OTUD7A: variants seen among roughly 807,000 people sequenced by gnomAD.
OTUD7A encodes OTU domain-containing protein 7A.
A neutral mutation model predicts 65.7 loss-of-function variants in OTUD7A; 12 were observed. That is an observed-to-expected ratio of 0.18 (90% CI 0.12 to 0.30). OTUD7A has a LOEUF of 0.30. Ranked by LOEUF, OTUD7A falls within the 10% of genes least tolerant of loss-of-function variation. The pLI is 1.00. For synonymous variants in OTUD7A, 641 were observed against 586.3 expected (o/e 1.09, Z -1.35); for missense variants, 1,148 against 1,304.8 (o/e 0.88, Z 1.85).
At chr15:31,853,930 G>A (rs2141007889) in intron 1 of OTUD7A, among the ~76,000 whole-genome samples, 1 of 152,290 alleles carries the variant, frequency 6.6e-6, no homozygotes, top group South Asian at 2.1e-4. Flanking sequence ...AAGAGCAAAT[G>A]CAGATGCCTG....
chr15:31,744,903 T>C (rs1273245285), intron 1 of OTUD7A, among the ~76,000 whole-genome samples: 1 of 152,058 alleles, frequency 6.6e-6, no homozygotes, highest in Non-Finnish European at 1.5e-5. Context: ...AATGATTATA[T>C]ACTAGTAGCA....
Position 31,483,885 on chromosome 15 carries a change from C to G in OTUD7A, c.2211G>C (p.Ala737=), listed in dbSNP as rs1244661484. ...KLKERPSPGP[A]AGRAARAAAG... is the part of the protein sequence containing the mutation. ...CCGCCGCCCGCGCCGCACGCCCTGC[C>G]GCGGGCCCGGGGCTCGGCCGCTCCT... The change falls in exon 13 of 13, where the codon GCG becomes GCC. Residue 737 remains alanine (A), a synonymous_variant. Coordinates refer to ENST00000307050, the MANE Select transcript of OTUD7A (RefSeq NM_001382637.1). The G allele has an allele frequency of 2.0e-6, 2 of 994,986 alleles. No homozygotes were observed. The highest frequency in any genetic ancestry group is 2.4e-6 in the Non-Finnish European group (2 of 838,282). 61.6% of individuals were successfully genotyped at this position (994,986 alleles called of 1,614,324 possible).
chr15:31,523,816 T>C (rs1445784374), intron 8 of OTUD7A, among the ~76,000 whole-genome samples: 6 of 152,272 alleles, frequency 3.9e-5, no homozygotes, highest in African/African-American at 1.4e-4. Flanking sequence ...GCAGAGCAAC[T>C]GTGCTTGTGC....
intron 1 of OTUD7A, among the ~76,000 whole-genome samples, chr15:31,743,925 G>A (rs1894408144): frequency 6.6e-6 from 1 of 151,920 alleles, no homozygotes; most frequent in African/African-American, 2.4e-5. Flanking sequence ...ACAGATGAAG[G>A]AGGGAACAGC....
At chr15:31,567,995 G>C (rs1888930547) in intron 4 of OTUD7A, among the ~76,000 whole-genome samples, 1 of 152,242 alleles carries the variant, frequency 6.6e-6, no homozygotes, top group African/African-American at 2.4e-5. Flanking sequence ...CTGCAGCAGG[G>C]GCATAGCCCT....
chr15:31,649,457 G>A (rs1595684427), intron 3 of OTUD7A, among the ~76,000 whole-genome samples: 1 of 152,104 alleles, frequency 6.6e-6, no homozygotes, highest in African/African-American at 2.4e-5. Flanking sequence ...TGAGGACCAT[G>A]TACCTTCCGC....
intron 9 of OTUD7A, among the ~76,000 whole-genome samples, chr15:31,503,228 C>A (rs2041499618): frequency 6.6e-6 from 1 of 152,254 alleles, no homozygotes; most frequent in Non-Finnish European, 1.5e-5. Context: ...GCCCTTGCCT[C>A]TTTCTCTGCC....
intron 10 of OTUD7A, among the ~76,000 whole-genome samples, chr15:31,497,733 T>A (rs1018283000): frequency 6.6e-6 from 1 of 152,154 alleles, no homozygotes; most frequent in African/African-American, 2.4e-5. Flanking sequence ...CTCTTGGAGA[T>A]GCCACTCTCT....
At chr15:31,724,822 T>A (rs145842192) in intron 1 of OTUD7A, among the ~76,000 whole-genome samples, 1 of 152,114 alleles carries the variant, frequency 6.6e-6, no homozygotes, top group African/African-American at 2.4e-5. Context: ...AGACACGATG[T>A]TTTAGGGAAA....
At chr15:31,733,794 G>A (rs1894113300) in intron 1 of OTUD7A, among the ~76,000 whole-genome samples, 1 of 152,140 alleles carries the variant, frequency 6.6e-6, no homozygotes, top group Non-Finnish European at 1.5e-5. Context: ...CAAGACTCAA[G>A]TCTTAGCCAC....
intron 1 of OTUD7A, among the ~76,000 whole-genome samples, chr15:31,679,601 G>A (rs1381092993): frequency 6.6e-6 from 1 of 152,136 alleles, no homozygotes; most frequent in Non-Finnish European, 1.5e-5. Context: ...CATTTCCACT[G>A]CTTGCATTTC....
rs964624966 is a variant in OTUD7A, at chr15:31,476,393, C to T, written c.*6901G>A. Reference sequence around the variant, plus strand: ...CGTATCAGGTGTTTGGATTCCATTCCTGCAAGCGGGAAGAATGTGTGCAAA... The same window carrying T: ...CGTATCAGGTGTTTGGATTCCATTCTTGCAAGCGGGAAGAATGTGTGCAAA... On this transcript the variant is annotated 3_prime_UTR_variant, in exon 13 of 13. Transcript: ENST00000307050. The T allele has an allele frequency of 6.6e-6, 1 of 152,390 alleles. No individual in the cohort carries two copies. The highest frequency in any genetic ancestry group is 1.9e-4 in the East Asian group (1 of 5,190). 9.4% of individuals were successfully genotyped at this position (152,390 alleles called of 1,614,324 possible).
chr15:31,531,632 T>C (rs1356738570), intron 5 of OTUD7A, among the ~76,000 whole-genome samples: 1 of 151,786 alleles, frequency 6.6e-6, no homozygotes, highest in East Asian at 1.9e-4. Context: ...TTTCCTCTTC[T>C]ATTCCAGCCA....
At chr15:31,786,496 C>G (rs1046003806) in intron 1 of OTUD7A, among the ~76,000 whole-genome samples, 1 of 152,052 alleles carries the variant, frequency 6.6e-6, no homozygotes, top group Non-Finnish European at 1.5e-5. Context: ...TGTGCCTGGA[C>G]AGGGTGTGGA....
At chr15:31,635,522 T>C (rs7183092) in intron 3 of OTUD7A, among the ~76,000 whole-genome samples, 43,815 of 152,078 alleles carry the variant, frequency 0.29, 7,452 homozygotes, top group African/African-American at 0.47. Flanking sequence ...GCCCCGACAC[T>C]GCCTTGCCGC....
intron 1 of OTUD7A, among the ~76,000 whole-genome samples, chr15:31,664,575 A>G (rs539023327): frequency 6.6e-6 from 1 of 152,154 alleles, no homozygotes; most frequent in African/African-American, 2.4e-5. Context: ...TCAGATGTAT[A>G]GATTGTGAAG....
chr15:31,572,744 T>C (rs1261049152), intron 3 of OTUD7A, among the ~76,000 whole-genome samples: 3 of 152,100 alleles, frequency 2.0e-5, no homozygotes, highest in African/African-American at 7.2e-5. Context: ...GGAGTCAAAC[T>C]GTTTTAGGAA....
intron 1 of OTUD7A, among the ~76,000 whole-genome samples, chr15:31,755,904 G>T (rs1162294738): frequency 0.11 from 8 of 70 alleles, no homozygotes; most frequent in East Asian, 0.5. Flanking sequence ...AGGCAAACAG[G>T]GGGTGTGCAG....
At chr15:31,638,312 T>TTATG (rs1891401213) in intron 3 of OTUD7A, among the ~76,000 whole-genome samples, 1 of 152,102 alleles carries the variant, frequency 6.6e-6, no homozygotes, top group Non-Finnish European at 1.5e-5. Flanking sequence ...TCAAATTAAG[T>TTATG]TATGTACATT....
Sources: gnomAD v4.1 joint callset for allele counts (sites outside exome capture counted in the v4.1 genomes callset) on GRCh38, gnomAD v4.1.1 for gene constraint, MANE v1.5 for transcripts, NCBI Gene and HGNC (gene_info 2026-07-23, HGNC 2026-07-21) for gene names.